Variants in SNX14 observed in about 807,000 individuals in gnomAD.
SNX14 encodes the protein sorting nexin-14.
In SNX14, 93 loss-of-function variants were observed where a neutral mutation model predicts 133.8. The observed-to-expected ratio is 0.70, with a 90% CI of 0.59 to 0.83. The LOEUF (loss-of-function observed/expected upper bound fraction) is 0.83, where lower values mean the gene tolerates loss of function less well. SNX14 is among the 40% of genes least tolerant of loss of function. The pLI is 0.00. For missense variants in SNX14, 945 were observed against 1,094.9 expected (o/e 0.86, Z 1.93); for synonymous variants, 368 against 365.6 (o/e 1.01, Z -0.07).
chr6:85,587,080 A>G (rs939010184), intron 1 of SNX14, among the ~76,000 whole-genome samples: 4 of 152,056 alleles, frequency 2.6e-5, no homozygotes, highest in African/African-American at 9.7e-5. Context: ...GTGTTTTTCT[A>G]TGTTGCCCAG....
At chr6:85,511,766 T>C (rs1772904599) in intron 26 of SNX14, among the ~76,000 whole-genome samples, 2 of 152,238 alleles carry the variant, frequency 1.3e-5, no homozygotes, top group Admixed American at 6.5e-5. Flanking sequence ...TGGTGTATAA[T>C]TCTAACATCC....
At chr6:85,569,136 A>C (rs1196320645) in intron 4 of SNX14, among the ~76,000 whole-genome samples, 2 of 152,054 alleles carry the variant, frequency 1.3e-5, no homozygotes, top group South Asian at 2.1e-4. Context: ...CTAATTTTGC[A>C]TTTTTACTAG....
chr6:85,542,180 T>C (rs1358142834), intron 14 of SNX14, 137 bp from the exon 15 acceptor site: 3 of 536,736 alleles, frequency 5.6e-6, no homozygotes, highest in Non-Finnish European at 9.6e-6. Context: ...CATGGTCAAC[T>C]AGGGTAAGGA....
intron 5 of SNX14, 96 bp from the exon 6 acceptor site, chr6:85,565,515 T>A: frequency 2.7e-6 from 2 of 752,584 alleles, no homozygotes; most frequent in Non-Finnish European, 4.3e-6. Flanking sequence ...TCTGTTTACT[T>A]AAGCTACTTT....
chr6:85,536,111 A>G (rs1781889562), intron 17 of SNX14, among the ~76,000 whole-genome samples: 1 of 152,192 alleles, frequency 6.6e-6, no homozygotes, highest in Non-Finnish European at 1.5e-5. Context: ...AGGGACACAA[A>G]AGGAGGAAAT....
At chr6:85,547,587 C>T (rs1786134204) in intron 9 of SNX14, 37 bp from the exon 10 acceptor site, 1 of 1,488,972 alleles carries the variant, frequency 6.7e-7, no homozygotes, top group Non-Finnish European at 9.1e-7. Context: ...AAAATAATTC[C>T]ACTACTGTAT....
At chr6:85,540,959 T>C (rs1011901059) in intron 15 of SNX14, among the ~76,000 whole-genome samples, 4 of 152,138 alleles carry the variant, frequency 2.6e-5, no homozygotes, top group Admixed American at 2.0e-4. Flanking sequence ...AAATGATTCA[T>C]TTACCTTATA....
At chr6:85,553,199 C>T (rs957854464) in intron 7 of SNX14, among the ~76,000 whole-genome samples, 1 of 152,104 alleles carries the variant, frequency 6.6e-6, no homozygotes, top group Non-Finnish European at 1.5e-5. Flanking sequence ...GCAAGCAGAC[C>T]CGAGTTCAGT....
In SNX14 at chr6:85,541,289, G is replaced by A. The variant is rs191895275; in HGVS notation, c.1448+696C>T. On this transcript the variant is annotated intron_variant, in intron 15 of 28. Coordinates refer to ENST00000314673, the MANE Select transcript of SNX14 (RefSeq NM_153816.6). ...ATTACAGGCGTGAGCCACCGTGCCC[G>A]GCCATTAACATTCTTTCATTGGAAA... 1.2e-3 allele frequency among the ~76,000 whole-genome samples: 176 copies of A among 152,170 alleles called. 1 individual carries two copies. Among genetic ancestry groups the A allele is most frequent in the African/African-American group, 4.0e-3 (165 of 41,534 alleles).
intron 21 of SNX14, among the ~76,000 whole-genome samples, chr6:85,524,246 T>G (rs1777859145): frequency 6.6e-6 from 1 of 151,942 alleles, no homozygotes; most frequent in Non-Finnish European, 1.5e-5. Context: ...TAGGTAAAGA[T>G]TAAAATAATA....
chr6:85,573,554 A>C (rs551368989), intron 2 of SNX14, among the ~76,000 whole-genome samples: 1 of 152,312 alleles, frequency 6.6e-6, no homozygotes, highest in South Asian at 2.1e-4. Flanking sequence ...CTTTACAGAG[A>C]TAGACTCACC....
At chr6:85,543,530 T>C in intron 13 of SNX14, 75 bp downstream of exon 13, 1 of 1,298,814 alleles carries the variant, frequency 7.7e-7, no homozygotes, top group Non-Finnish European at 1.1e-6. Flanking sequence ...AGCTAGCCAC[T>C]GCAATAATAA....
chr6:85,543,397 A>G (rs1359095841), intron 13 of SNX14, 91 bp from the exon 14 acceptor site: 2 of 1,242,580 alleles, frequency 1.6e-6, no homozygotes, highest in Non-Finnish European at 2.2e-6. Flanking sequence ...ACTGAAACAC[A>G]CTAGATTGAG....
chr6:85,564,121 A>G (rs532406363), intron 6 of SNX14, among the ~76,000 whole-genome samples: 1 of 152,266 alleles, frequency 6.6e-6, no homozygotes, highest in Non-Finnish European at 1.5e-5. Context: ...TTATGGCTGC[A>G]TAGTATTCCA....
chr6:85,540,788 C>T (rs1054489340), intron 15 of SNX14, among the ~76,000 whole-genome samples: 1 of 152,078 alleles, frequency 6.6e-6, no homozygotes, highest in African/African-American at 2.4e-5. Context: ...AAAACATTGC[C>T]CCATTTCTTG....
rs571752739 is a variant in SNX14, at chr6:85,583,394, C to T, written c.141-9016G>A. On this transcript the variant is annotated intron_variant, in intron 1 of 28. Coordinates refer to ENST00000314673, the MANE Select transcript of SNX14 (RefSeq NM_153816.6). ...CCTATTCAACACAGTATTGTAAGTTCTGGCCAGGGCAATCAGGCAAAAGAA... is the reference window on the plus strand; with the variant it reads ...CCTATTCAACACAGTATTGTAAGTTTTGGCCAGGGCAATCAGGCAAAAGAA... Among the ~76,000 whole-genome samples the T allele has an allele frequency of 2.4e-4, 37 of 152,282 alleles. No homozygotes were observed. The Middle Eastern group carries it at 0.014, about 56-fold the overall frequency.
chr6:85,545,635 T>C (rs549206157), intron 12 of SNX14, among the ~76,000 whole-genome samples: 3 of 152,196 alleles, frequency 2.0e-5, no homozygotes, highest in East Asian at 1.9e-4. Context: ...GTTTAAAAGA[T>C]ATATGCATTC....
chr6:85,559,571 G>A (rs1790863605), intron 6 of SNX14, among the ~76,000 whole-genome samples: 1 of 152,154 alleles, frequency 6.6e-6, no homozygotes, highest in Non-Finnish European at 1.5e-5. Flanking sequence ...GAACATTGTA[G>A]AAGGAATAAG....
intron 18 of SNX14, among the ~76,000 whole-genome samples, chr6:85,531,360 GCA>G (rs993628238): frequency 1.7e-4 from 26 of 152,244 alleles, no homozygotes; most frequent in African/African-American, 4.8e-4. Context: ...ACAGTGCATA[GCA>G]CAGAGTAAAT....
Sources: gnomAD v4.1 joint callset for allele counts (sites outside exome capture counted in the v4.1 genomes callset) on GRCh38, gnomAD v4.1.1 for gene constraint, MANE v1.5 for transcripts, NCBI Gene and HGNC (gene_info 2026-07-23, HGNC 2026-07-21) for gene names.